Variants in TMEM135 observed in about 807,000 individuals in gnomAD.
The protein encoded by TMEM135 is peroxisomal membrane protein 52.
Under a neutral mutation model 60.3 loss-of-function variants are expected in TMEM135, and 30 were observed. The ratio of observed to expected loss-of-function variants is 0.50; its 90% confidence interval spans 0.37 to 0.68. TMEM135 has a LOEUF of 0.68. TMEM135 is among the 30% of genes least tolerant of loss of function. TMEM135 has a pLI of 0.00. For synonymous variants in TMEM135, 190 were observed against 186.7 expected (o/e 1.02, Z -0.14); for missense variants, 468 against 548.8 (o/e 0.85, Z 1.47).
At chr11:87,058,941 T>C (rs1949919719) in intron 1 of TMEM135, among the ~76,000 whole-genome samples, 1 of 151,848 alleles carries the variant, frequency 6.6e-6, no homozygotes, top group Non-Finnish European at 1.5e-5. Context: ...TTTAATTTAA[T>C]TTTTTTGTTT....
intron 6 of TMEM135, among the ~76,000 whole-genome samples, chr11:87,294,418 T>C (rs1210897775): frequency 6.6e-6 from 1 of 152,218 alleles, no homozygotes; most frequent in Non-Finnish European, 1.5e-5. Flanking sequence ...AGTTTTGCTC[T>C]TGTTGCCCAG....
intron 1 of TMEM135, among the ~76,000 whole-genome samples, chr11:87,061,789 A>G (rs1186705527): frequency 6.6e-6 from 1 of 152,200 alleles, no homozygotes; most frequent in East Asian, 1.9e-4. Flanking sequence ...AAGAGAATGT[A>G]TATAGTGCTG....
At chr11:87,299,280 A>G (rs1942404082) in intron 7 of TMEM135, among the ~76,000 whole-genome samples, 1 of 152,206 alleles carries the variant, frequency 6.6e-6, no homozygotes, top group Non-Finnish European at 1.5e-5. Context: ...GAAACTTACA[A>G]TCATGGCAGA....
intron 5 of TMEM135, among the ~76,000 whole-genome samples, chr11:87,179,934 T>G (rs1340875123): frequency 6.9e-6 from 1 of 145,680 alleles, no homozygotes; most frequent in Non-Finnish European, 1.5e-5. Flanking sequence ...TTTTCTGTTT[T>G]TTTCTGTTGT....
chr11:87,080,168 G>GTGT (rs1555100698), intron 3 of TMEM135, among the ~76,000 whole-genome samples: 82 of 128,326 alleles, frequency 6.4e-4, no homozygotes, highest in South Asian at 2.5e-3. Context: ...TGTTTGCAGT[G>GTGT]TTTTTTTTTT....
chr11:87,112,952 T>C (rs910584557), intron 4 of TMEM135, among the ~76,000 whole-genome samples: 3 of 152,120 alleles, frequency 2.0e-5, no homozygotes, highest in African/African-American at 7.2e-5. Context: ...ATGTATCCTA[T>C]AATGCATAGA....
chr11:87,313,532 GTGGTAGGA>G, intron 11 of TMEM135, 44 bp downstream of exon 11: 1 of 1,489,694 alleles, frequency 6.7e-7, no homozygotes. Context: ...GTATTAATCA[GTGGTAGGA>G]ATGAATTGGA....
intron 10 of TMEM135, among the ~76,000 whole-genome samples, chr11:87,311,363 A>G (rs1474062803): frequency 1.3e-5 from 2 of 152,086 alleles, no homozygotes; most frequent in Non-Finnish European, 2.9e-5. Context: ...GGTTTGACTA[A>G]GAAGCATTAC....
chr11:87,171,508 G>C (rs1939236188), intron 5 of TMEM135, among the ~76,000 whole-genome samples: 1 of 151,980 alleles, frequency 6.6e-6, no homozygotes, highest in African/African-American at 2.4e-5. Context: ...GGATTCATAG[G>C]TAACCTCATG....
At chr11:87,240,877 A>G (rs1331927257) in intron 6 of TMEM135, among the ~76,000 whole-genome samples, 1 of 114,696 alleles carries the variant, frequency 8.7e-6, no homozygotes, top group Non-Finnish European at 1.9e-5. Context: ...AGTTTATTTT[A>G]ACATATAGAT....
At chr11:87,171,651 T>G (rs182922475) in intron 5 of TMEM135, among the ~76,000 whole-genome samples, 1 of 152,056 alleles carries the variant, frequency 6.6e-6, no homozygotes, top group Non-Finnish European at 1.5e-5. Flanking sequence ...ATGAGCTGAT[T>G]AGATGATCTT....
At chr11:87,162,122 A>G (rs563904110) in intron 5 of TMEM135, among the ~76,000 whole-genome samples, 4 of 152,316 alleles carry the variant, frequency 2.6e-5, no homozygotes, top group African/African-American at 9.6e-5. Flanking sequence ...GGTAATTTAA[A>G]TAATAAAGAA....
chr11:87,191,193 A>G (rs935545128), intron 5 of TMEM135, among the ~76,000 whole-genome samples: 2 of 151,516 alleles, frequency 1.3e-5, no homozygotes, highest in Admixed American at 1.3e-4. Context: ...GGAAGCCACA[A>G]TGTCTATTAT....
chr11:87,198,933 A>G (rs571635212), intron 5 of TMEM135, among the ~76,000 whole-genome samples: 6 of 152,318 alleles, frequency 3.9e-5, no homozygotes, highest in Non-Finnish European at 8.8e-5. Flanking sequence ...CCTGCTCTCA[A>G]GAGGCTTATA....
chr11:87,308,979 C>T (rs1195682094), intron 9 of TMEM135, among the ~76,000 whole-genome samples: 1 of 152,130 alleles, frequency 6.6e-6, no homozygotes, highest in Non-Finnish European at 1.5e-5. Flanking sequence ...GCACCCCCTG[C>T]CCCCTGGAAG....
intron 4 of TMEM135, among the ~76,000 whole-genome samples, chr11:87,141,624 A>C (rs1467441087): frequency 6.6e-6 from 1 of 152,118 alleles, no homozygotes; most frequent in African/African-American, 2.4e-5. Context: ...AGCAAATAGA[A>C]GTGGTGAGAG....
intron 4 of TMEM135, among the ~76,000 whole-genome samples, chr11:87,108,937 T>C (rs2512352): frequency 0.55 from 83,216 of 151,934 alleles, 23,594 homozygotes; most frequent in East Asian, 0.71. Flanking sequence ...AGCTTTGACA[T>C]ACTGAACAAT....
chr11:87,221,356 T>G (rs1457627288), intron 5 of TMEM135, among the ~76,000 whole-genome samples: 1 of 152,222 alleles, frequency 6.6e-6, no homozygotes, highest in African/African-American at 2.4e-5. Flanking sequence ...GAATACTTCC[T>G]TTGGTAAGAG....
intron 5 of TMEM135, among the ~76,000 whole-genome samples, chr11:87,160,551 T>C (rs1938843668): frequency 6.6e-6 from 1 of 152,188 alleles, no homozygotes; most frequent in African/African-American, 2.4e-5. Context: ...TACTATGCAA[T>C]ATAATTGCCC....
Sources: allele counts gnomAD v4.1 joint callset (sites outside exome capture counted in the v4.1 genomes callset), GRCh38; gene constraint gnomAD v4.1.1; transcripts MANE v1.5; gene names NCBI Gene and HGNC (gene_info 2026-07-23, HGNC 2026-07-21).